RYR3: variants seen among roughly 807,000 people sequenced by gnomAD.
The protein encoded by RYR3 is brain ryanodine receptor-calcium release channel.
Under a neutral mutation model 584.3 loss-of-function variants are expected in RYR3, and 207 were observed. The observed-to-expected ratio is 0.35, with a 90% CI of 0.32 to 0.40. RYR3 has a LOEUF of 0.40. Among genes scored for constraint, RYR3 ranks in the 10% least tolerant of loss-of-function variants. The probability of loss-of-function intolerance (pLI) is 1.00; values close to 1 mark genes in which losing one functional copy is unlikely to be tolerated. For synonymous variants in RYR3, 2,416 were observed against 2,248.5 expected (o/e 1.07, Z -2.11); for missense variants, 5,616 against 6,089.2 (o/e 0.92, Z 2.59).
At chr15:33,627,919 G>C (rs894456108) in intron 20 of RYR3, among the ~76,000 whole-genome samples, 1 of 152,156 alleles carries the variant, frequency 6.6e-6, no homozygotes, top group Non-Finnish European at 1.5e-5. Context: ...GATTAGATGG[G>C]GGAGTAGTGC....
intron 5 of RYR3, among the ~76,000 whole-genome samples, chr15:33,534,635 A>G (rs746841861): frequency 4.6e-5 from 7 of 152,242 alleles, no homozygotes; most frequent in Admixed American, 2.0e-4. Context: ...GGACTAAGAT[A>G]ATAATCTACA....
At chr15:33,807,347 C>A (rs1195893370) in intron 69 of RYR3, among the ~76,000 whole-genome samples, 1 of 152,092 alleles carries the variant, frequency 6.6e-6, no homozygotes, top group African/African-American at 2.4e-5. Context: ...GGGTATAAGT[C>A]CTTTGACCAA....
Position 33,771,167 on chromosome 15 carries a change from A to T in RYR3, c.8817-753A>T, listed in dbSNP as rs192734096. Among the ~76,000 whole-genome samples the T allele has an allele frequency of 1.7e-4, 26 of 152,330 alleles. 1 individual carries two copies. Among genetic ancestry groups the T allele is most frequent in the South Asian group, 6.2e-4 (3 of 4,830 alleles). Reference sequence around the variant, plus strand: ...CTAACAGAAATCTAAGCTTCTGTTGACTTATTTCCTTGCTCTTTTCCTCTA... The same window carrying T: ...CTAACAGAAATCTAAGCTTCTGTTGTCTTATTTCCTTGCTCTTTTCCTCTA... On this transcript the variant is annotated intron_variant, in intron 62 of 103. Transcript: ENST00000634891.
intron 32 of RYR3, 54 bp downstream of exon 32, chr15:33,652,937 A>G (rs2062576109): frequency 6.5e-7 from 1 of 1,531,408 alleles, no homozygotes; most frequent in Non-Finnish European, 8.8e-7. Flanking sequence ...GGTGTTTATC[A>G]CTGTGTTCCT....
chr15:33,382,878 G>C (rs2141208047), intron 1 of RYR3, among the ~76,000 whole-genome samples: 1 of 152,158 alleles, frequency 6.6e-6, no homozygotes, highest in African/African-American at 2.4e-5. Context: ...TTAATGACAA[G>C]AGTCGTTTCA....
intron 86 of RYR3, 25 bp downstream of exon 86, chr15:33,831,116 G>A (rs1260223141): frequency 6.2e-7 from 1 of 1,603,710 alleles, no homozygotes; most frequent in South Asian, 1.1e-5. Flanking sequence ...GTGCATGGTT[G>A]AAAACAAAGA....
At chr15:33,654,408 A>G (rs1057444371) in intron 32 of RYR3, among the ~76,000 whole-genome samples, 10 of 152,008 alleles carry the variant, frequency 6.6e-5, no homozygotes, top group African/African-American at 2.4e-4. Context: ...CCAGCTGCTC[A>G]GGAGGCTAAG....
intron 103 of RYR3, 60 bp from the exon 104 acceptor site, chr15:33,865,071 A>G: frequency 5.9e-6 from 8 of 1,362,608 alleles, no homozygotes; most frequent in Non-Finnish European, 8.3e-6. Flanking sequence ...ACAAAAACAA[A>G]CTGGGTTTTA....
chr15:33,379,687 C>CTCTCTCTCTCTCTATATATATATA, intron 1 of RYR3, among the ~76,000 whole-genome samples: 26 of 125,520 alleles, frequency 2.1e-4, no homozygotes, highest in African/African-American at 9.2e-4. Context: ...CTCTCTCTCT[C>CTCTCTCTCTCTCTATATATATATA]TATATATATA....
chr15:33,373,430 G>A (rs372753905), intron 1 of RYR3, among the ~76,000 whole-genome samples: 4 of 152,146 alleles, frequency 2.6e-5, no homozygotes, highest in African/African-American at 7.2e-5. Context: ...TGCCAATTTC[G>A]TAAAGTTGTT....
chr15:33,338,505 G>A (rs1270140126), intron 1 of RYR3, among the ~76,000 whole-genome samples: 2 of 152,166 alleles, frequency 1.3e-5, no homozygotes, highest in African/African-American at 4.8e-5. Context: ...TGTCTGGTGG[G>A]CTGGGGTGAC....
At chr15:33,368,165 T>C (rs984096970) in intron 1 of RYR3, among the ~76,000 whole-genome samples, 3 of 152,060 alleles carry the variant, frequency 2.0e-5, no homozygotes, top group Non-Finnish European at 4.4e-5. Flanking sequence ...CAAAGGTAAA[T>C]CACAAAAAGA....
At chr15:33,486,575 G>T (rs191679905) in intron 2 of RYR3, among the ~76,000 whole-genome samples, 79 of 152,250 alleles carry the variant, frequency 5.2e-4, no homozygotes, top group African/African-American at 1.8e-3. Flanking sequence ...CAGTATGAAT[G>T]TTCAAATCAC....
At chr15:33,654,188 A>G (rs962568093) in intron 32 of RYR3, among the ~76,000 whole-genome samples, 1 of 152,102 alleles carries the variant, frequency 6.6e-6, no homozygotes, top group African/African-American at 2.4e-5. Flanking sequence ...CATTAAGGAG[A>G]AATCTTGATT....
intron 35 of RYR3, among the ~76,000 whole-genome samples, 157 bp from the exon 36 acceptor site, chr15:33,663,380 G>A (rs553345691): frequency 2.0e-5 from 3 of 152,144 alleles, no homozygotes; most frequent in Non-Finnish European, 2.9e-5. Context: ...TTCTGTTATT[G>A]CCTTCGACTT....
chr15:33,498,778 G>T, intron 2 of RYR3, among the ~76,000 whole-genome samples: 1 of 151,986 alleles, frequency 6.6e-6, no homozygotes. Flanking sequence ...ATCATTTTTA[G>T]ATGTCTTCTT....
intron 67 of RYR3, among the ~76,000 whole-genome samples, chr15:33,794,572 A>G (rs996762306): frequency 1.3e-5 from 2 of 151,972 alleles, no homozygotes; most frequent in Admixed American, 1.3e-4. Context: ...ATTTGTCACT[A>G]TTGACGATCA....
intron 38 of RYR3, among the ~76,000 whole-genome samples, chr15:33,680,534 G>C (rs1330599813): frequency 1.3e-5 from 2 of 152,202 alleles, no homozygotes; most frequent in African/African-American, 2.4e-5. Context: ...CAAGGGAAAA[G>C]TGAGAAAGTT....
chr15:33,622,039 A>C (rs16973353), intron 19 of RYR3, among the ~76,000 whole-genome samples: 1 of 151,944 alleles, frequency 6.6e-6, no homozygotes, highest in East Asian at 1.9e-4. Flanking sequence ...CAAAACTGGA[A>C]GTGGCTGCTT....
Sources: allele counts gnomAD v4.1 joint callset (sites outside exome capture counted in the v4.1 genomes callset), GRCh38; gene constraint gnomAD v4.1.1; transcripts MANE v1.5; gene names NCBI Gene and HGNC (gene_info 2026-07-23, HGNC 2026-07-21).